TXNRD1: variants seen among roughly 807,000 people sequenced by gnomAD.
TXNRD1 encodes the protein thioredoxin reductase 1, cytoplasmic.
Under a neutral mutation model 80.3 loss-of-function variants are expected in TXNRD1, and 57 were observed. The ratio of observed to expected loss-of-function variants is 0.71; its 90% CI spans 0.57 to 0.89. The LOEUF (loss-of-function observed/expected upper bound fraction) is 0.89, where lower values mean the gene tolerates loss of function less well. Ranked by LOEUF, TXNRD1 falls within the 40% of genes least tolerant of loss-of-function variation. The probability of loss-of-function intolerance (pLI) is 0.00; values close to 1 mark genes in which losing one functional copy is unlikely to be tolerated. For missense variants in TXNRD1, 730 were observed against 803.0 expected (o/e 0.91, Z 1.10); for synonymous variants, 291 against 285.2 (o/e 1.02, Z -0.20).
intron 15 of TXNRD1, among the ~76,000 whole-genome samples, chr12:104,335,129 A>G (rs1382473634): frequency 6.6e-6 from 1 of 151,848 alleles, no homozygotes; most frequent in African/African-American, 2.4e-5. Flanking sequence ...TCCCACAGAT[A>G]TACTTTATTC....
intron 3 of TXNRD1, among the ~76,000 whole-genome samples, chr12:104,288,290 C>A (rs1440251491): frequency 1.3e-5 from 2 of 152,250 alleles, no homozygotes; most frequent in Non-Finnish European, 2.9e-5. Flanking sequence ...TGATTTATGT[C>A]TAATGAATAG....
chr12:104,331,379 T>C lies in TXNRD1; in HGVS notation c.1543-155T>C, dbSNP rs551135106. On this transcript the variant is annotated intron_variant, in intron 13 of 16. Coordinates refer to ENST00000525566, the MANE Select transcript of TXNRD1 (RefSeq NM_001093771.3). Reference sequence around the variant, plus strand: ...AATAAGTTAATGGTTCTCAATGTAGTAGATTAATTAATTAATATCTCGGAT... The same window carrying C: ...AATAAGTTAATGGTTCTCAATGTAGCAGATTAATTAATTAATATCTCGGAT... 2.7e-4 allele frequency among the ~76,000 whole-genome samples: 41 copies of C among 152,356 alleles called. 3 individuals are homozygous for C. In the South Asian group the frequency reaches 5.6e-3, roughly 21 times the overall value.
intron 7 of TXNRD1, among the ~76,000 whole-genome samples, chr12:104,317,345 C>T (rs1483770420): frequency 1.3e-5 from 2 of 150,362 alleles, no homozygotes; most frequent in South Asian, 2.1e-4. Context: ...GAACCATAAC[C>T]GCAGTGGCAT....
rs11111989 is a variant in TXNRD1, at chr12:104,308,544, C to T, written c.415-2746C>T. Among the ~76,000 whole-genome samples the T allele has an allele frequency of 6.5e-3, 985 of 152,120 alleles. 10 individuals are homozygous for T. The highest frequency in any genetic ancestry group is 0.023 in the African/African-American group (950 of 41,530). On this transcript the variant is annotated intron_variant, in intron 4 of 16. Transcript: ENST00000525566. ...TGTTAATGAATATTTTAAGTTTCTT[C>T]TTAGTTTTAATTTCTAATATAGTAA...
intron 1 of TXNRD1, among the ~76,000 whole-genome samples, chr12:104,231,992 G>GT (rs1447153660): frequency 1.3e-5 from 2 of 152,238 alleles, no homozygotes; most frequent in East Asian, 3.9e-4. Flanking sequence ...CTTATTTTTG[G>GT]TAAAAACAAA....
intron 5 of TXNRD1, among the ~76,000 whole-genome samples, chr12:104,312,023 C>T (rs12313088): frequency 0.027 from 4,149 of 151,318 alleles, 172 homozygotes; most frequent in African/African-American, 0.092. Flanking sequence ...TGTATATATA[C>T]ACACATATAT....
At chr12:104,234,583 C>T (rs369375750) in intron 1 of TXNRD1, among the ~76,000 whole-genome samples, 15 of 149,130 alleles carry the variant, frequency 1.0e-4, no homozygotes, top group East Asian at 3.9e-4. Flanking sequence ...TGTGAGCCAC[C>T]GTGCCTGGCC....
intron 3 of TXNRD1, among the ~76,000 whole-genome samples, chr12:104,273,757 A>G (rs2033702700): frequency 6.6e-6 from 1 of 152,238 alleles, no homozygotes; most frequent in African/African-American, 2.4e-5. Context: ...GATGGTGAAG[A>G]AAGAGGAAGA....
chr12:104,330,942 T>A (rs1219788772), intron 13 of TXNRD1, among the ~76,000 whole-genome samples: 1 of 152,168 alleles, frequency 6.6e-6, no homozygotes, highest in Non-Finnish European at 1.5e-5. Flanking sequence ...ACTACAGCAA[T>A]GTTCAGTTAA....
At chr12:104,334,207 G>T (rs763939756) in intron 14 of TXNRD1, 30 bp from the exon 15 acceptor site, 7 of 1,209,656 alleles carry the variant, frequency 5.8e-6, no homozygotes, top group South Asian at 1.5e-5. Context: ...TAAAATAATG[G>T]GTCTAAATTT....
intron 1 of TXNRD1, among the ~76,000 whole-genome samples, chr12:104,231,970 C>A (rs1173488804): frequency 2.0e-5 from 3 of 152,198 alleles, no homozygotes; most frequent in African/African-American, 4.8e-5. Context: ...AGAACAATTT[C>A]TCTCTCCAGT....
chr12:104,269,456 G>C lies in TXNRD1; in HGVS notation c.304+11377G>C, dbSNP rs1435731268. The stretch of plus-strand genomic sequence containing the variant: ...ACTCTGCCACCCAGGCTGTGCTGCA[G>C]TGATGTAGTCATGGCTCACTGTGGC... On this transcript the variant is annotated intron_variant, in intron 3 of 16. Transcript: ENST00000525566. 9.1e-5 allele frequency among the ~76,000 whole-genome samples: 13 copies of C among 143,204 alleles called. No homozygotes were observed. In the East Asian group the frequency reaches 2.7e-3, roughly 29 times the overall value. The allele number at this position is 143,204 out of a possible 152,430, so 93.9% of individuals were successfully genotyped here.
chr12:104,312,557 G>A (rs559032619), intron 5 of TXNRD1, among the ~76,000 whole-genome samples: 2 of 152,174 alleles, frequency 1.3e-5, no homozygotes, highest in East Asian at 1.9e-4. Flanking sequence ...TTTGAAAGAC[G>A]TGTAGACTCA....
intron 3 of TXNRD1, among the ~76,000 whole-genome samples, chr12:104,267,797 T>TC (rs1224757060): frequency 9.8e-5 from 14 of 143,572 alleles, no homozygotes; most frequent in Admixed American, 2.8e-4. Context: ...CTTCCTTCCT[T>TC]CTTTCCTTCC....
chr12:104,344,144 T>A (rs565447550), intron 16 of TXNRD1, among the ~76,000 whole-genome samples: 12 of 150,968 alleles, frequency 7.9e-5, no homozygotes, highest in Non-Finnish European at 1.6e-4. Flanking sequence ...AACTGTAGGG[T>A]TGATTAAAAT....
At chr12:104,218,132 A>G (rs1203050215) in intron 1 of TXNRD1, among the ~76,000 whole-genome samples, 1 of 151,680 alleles carries the variant, frequency 6.6e-6, no homozygotes, top group African/African-American at 2.4e-5. Context: ...GGTTCAAGCA[A>G]TTCTCCTCCC....
At chr12:104,296,651 G>A (rs2034447033) in intron 4 of TXNRD1, among the ~76,000 whole-genome samples, 1 of 152,206 alleles carries the variant, frequency 6.6e-6, no homozygotes. Flanking sequence ...AATACCTAGT[G>A]TGCATTCAGT....
At position 104,348,906 on chromosome 12, in the gene TXNRD1, A is replaced by T. The variant is rs1345776576; in HGVS notation, c.*485A>T. The T allele has an allele frequency of 1.3e-5, 2 of 159,166 alleles. No individual in the cohort carries two copies. The allele number at this position is 159,166 out of a possible 1,614,324, so 9.9% of individuals were successfully genotyped here. ...CATGCAAGGTGTCTTGTTGCATGGA[A>T]GGGATAGTTTGGCTCCCTTGGAGGC... On this transcript the variant is annotated 3_prime_UTR_variant, in exon 17 of 17. Transcript: ENST00000525566.
chr12:104,219,158 C>A (rs1214910852), intron 1 of TXNRD1, among the ~76,000 whole-genome samples: 1 of 152,136 alleles, frequency 6.6e-6, no homozygotes, highest in Admixed American at 6.6e-5. Flanking sequence ...ACAGCCCCAT[C>A]TGATCTCGAA....
Sources: gnomAD v4.1 joint callset for allele counts (sites outside exome capture counted in the v4.1 genomes callset) on GRCh38, gnomAD v4.1.1 for gene constraint, MANE v1.5 for transcripts, NCBI Gene and HGNC (gene_info 2026-07-23, HGNC 2026-07-21) for gene names.